Variants in LRRTM4 observed in about 807,000 individuals in gnomAD.
LRRTM4 encodes leucine rich repeat transmembrane neuronal 4.
A neutral mutation model predicts 47.6 loss-of-function variants in LRRTM4; 25 were observed. The observed-to-expected ratio is 0.53, with a 90% confidence interval of 0.38 to 0.73. The LOEUF is 0.73. LRRTM4 is among the 30% of genes least tolerant of loss of function. LRRTM4 has a pLI of 0.00. For missense variants in LRRTM4, 638 were observed against 713.4 expected (o/e 0.89, Z 1.20); for synonymous variants, 311 against 269.5 (o/e 1.15, Z -1.51).
chr2:77,087,491 C>A (rs1680757088), intron 3 of LRRTM4, among the ~76,000 whole-genome samples: 1 of 152,218 alleles, frequency 6.6e-6, no homozygotes, highest in African/African-American at 2.4e-5. Flanking sequence ...GAACACCTGG[C>A]TGAAAGCCCA....
intron 3 of LRRTM4, among the ~76,000 whole-genome samples, chr2:76,865,351 G>A (rs1376379460): frequency 6.6e-6 from 1 of 152,108 alleles, no homozygotes; most frequent in Non-Finnish European, 1.5e-5. Context: ...TAGTGAAAAA[G>A]AGTCAACATA....
intron 3 of LRRTM4, among the ~76,000 whole-genome samples, chr2:77,482,068 A>G (rs1232684438): frequency 6.6e-6 from 1 of 152,156 alleles, no homozygotes; most frequent in Non-Finnish European, 1.5e-5. Flanking sequence ...ATTTCAAATC[A>G]AATGTTATAT....
rs1553412667 is a variant in LRRTM4 at position 76,807,459 on chromosome 2, C to CACAT, written c.1552-58544_1552-58543insATGT. On this transcript the variant is annotated intron_variant, in intron 3 of 3. Transcript: ENST00000409884. ...ATACGTATATACATATATATATATA[C>CACAT]ATATATATATACATATATATATATA... is the stretch of plus-strand genomic sequence containing the variant. Among the ~76,000 whole-genome samples, 92 of 85,582 alleles carry CACAT rather than the reference C, an allele frequency of 1.1e-3. 1 individual carries two copies. Among genetic ancestry groups the CACAT allele is most frequent in the Middle Eastern group, 7.1e-3 (1 of 140 alleles). 56.1% of individuals were successfully genotyped at this position (85,582 alleles called of 152,430 possible). A position where few individuals can be genotyped will look rare whatever the true frequency, so the allele number is the denominator to read the frequency against.
chr2:77,132,038 G>A (rs1221636170), intron 3 of LRRTM4, among the ~76,000 whole-genome samples: 4 of 152,044 alleles, frequency 2.6e-5, no homozygotes, highest in Non-Finnish European at 4.4e-5. Context: ...TTTGAAATAC[G>A]TGTTACATTA....
chr2:77,334,123 C>G (rs1002791289), intron 3 of LRRTM4, among the ~76,000 whole-genome samples: 3 of 152,134 alleles, frequency 2.0e-5, no homozygotes, highest in Non-Finnish European at 4.4e-5. Context: ...TCCTGTACCC[C>G]CATTGTATCT....
intron 3 of LRRTM4, among the ~76,000 whole-genome samples, chr2:76,801,944 A>T (rs1675713937): frequency 6.6e-6 from 1 of 152,184 alleles, no homozygotes; most frequent in South Asian, 2.1e-4. Context: ...AAGACTCTTG[A>T]GAAATTAGAT....
At chr2:77,302,685 A>C (rs577126724) in intron 3 of LRRTM4, among the ~76,000 whole-genome samples, 2 of 152,330 alleles carry the variant, frequency 1.3e-5, no homozygotes, top group East Asian at 1.9e-4. Context: ...ATAGTAGAAG[A>C]AGCTACTTGA....
chr2:77,068,920 A>G (rs1680053566), intron 3 of LRRTM4, among the ~76,000 whole-genome samples: 1 of 150,952 alleles, frequency 6.6e-6, no homozygotes, highest in South Asian at 2.1e-4. Flanking sequence ...AGGCATTCTT[A>G]AACCACAAAC....
intron 3 of LRRTM4, among the ~76,000 whole-genome samples, chr2:77,113,377 C>T (rs926977611): frequency 1.3e-5 from 2 of 152,146 alleles, no homozygotes; most frequent in Admixed American, 6.5e-5. Flanking sequence ...GTACAAGCAT[C>T]CTTGAATTCT....
At chr2:76,807,471 C>CACACATATATATAT (rs545039725) in intron 3 of LRRTM4, among the ~76,000 whole-genome samples, 1 of 97,482 alleles carries the variant, frequency 1.0e-5, no homozygotes. Context: ...TATATATATA[C>CACACATATATATAT]ATATATATAT....
At chr2:77,277,291 T>C (rs1294375263) in intron 3 of LRRTM4, among the ~76,000 whole-genome samples, 1 of 150,418 alleles carries the variant, frequency 6.6e-6, no homozygotes, top group Non-Finnish European at 1.5e-5. Flanking sequence ...CAATGAAAAA[T>C]ACTTTGTTTT....
chr2:77,273,597 G>A (rs1350408678), intron 3 of LRRTM4, among the ~76,000 whole-genome samples: 1 of 152,026 alleles, frequency 6.6e-6, no homozygotes, highest in Non-Finnish European at 1.5e-5. Context: ...GAAGTTTCTG[G>A]GAATCAGATG....
intron 3 of LRRTM4, among the ~76,000 whole-genome samples, chr2:77,016,641 G>T (rs147746478): frequency 1.6e-3 from 250 of 152,198 alleles, no homozygotes; most frequent in African/African-American, 5.5e-3. Flanking sequence ...AAACAAGGCA[G>T]AACATTTTGC....
chr2:77,213,734 T>A (rs1040461301), intron 3 of LRRTM4, among the ~76,000 whole-genome samples: 1 of 152,154 alleles, frequency 6.6e-6, no homozygotes, highest in Non-Finnish European at 1.5e-5. Context: ...TAGGTTACAC[T>A]AATCTCTTCT....
chr2:77,498,737 G>A (rs989815838), intron 3 of LRRTM4, among the ~76,000 whole-genome samples: 2 of 151,618 alleles, frequency 1.3e-5, no homozygotes, highest in Non-Finnish European at 2.9e-5. Flanking sequence ...TACTACTATT[G>A]TGGCAACTAA....
chr2:77,146,919 T>C (rs1672275209), intron 3 of LRRTM4, among the ~76,000 whole-genome samples: 1 of 152,184 alleles, frequency 6.6e-6, no homozygotes, highest in Admixed American at 6.5e-5. Flanking sequence ...AAAAAGAATT[T>C]AGAGGGAGCT....
intron 3 of LRRTM4, among the ~76,000 whole-genome samples, chr2:77,352,833 C>T (rs1224159302): frequency 6.6e-6 from 1 of 151,848 alleles, no homozygotes. Context: ...CAAAAAATAA[C>T]ATAAAAACTA....
intron 3 of LRRTM4, among the ~76,000 whole-genome samples, chr2:77,068,031 A>T (rs1004264706): frequency 6.6e-6 from 1 of 152,156 alleles, no homozygotes; most frequent in East Asian, 1.9e-4. Context: ...TAAAAGTTAT[A>T]AATTAATACA....
intron 3 of LRRTM4, among the ~76,000 whole-genome samples, chr2:76,772,364 C>T (rs1347845130): frequency 1.3e-5 from 2 of 152,104 alleles, no homozygotes; most frequent in African/African-American, 4.8e-5. Context: ...TTTGTTATAG[C>T]AGCCTGAACA....
Sources: gnomAD v4.1 joint callset for allele counts (sites outside exome capture counted in the v4.1 genomes callset) on GRCh38, gnomAD v4.1.1 for gene constraint, MANE v1.5 for transcripts, NCBI Gene and HGNC (gene_info 2026-07-23, HGNC 2026-07-21) for gene names.